Variants in DAAM1 observed in about 807,000 individuals in gnomAD.
DAAM1 encodes disheveled-associated activator of morphogenesis 1.
A neutral mutation model predicts 130.0 loss-of-function variants in DAAM1; 52 were observed. The observed-to-expected ratio is 0.40, with a 90% CI of 0.32 to 0.50. DAAM1 has a LOEUF of 0.50. Among genes scored for constraint, DAAM1 ranks in the 20% least tolerant of loss-of-function variants. The pLI is 0.61. For synonymous variants in DAAM1, 452 were observed against 444.5 expected (o/e 1.02, Z -0.21); for missense variants, 1,134 against 1,303.8 (o/e 0.87, Z 2.01).
chr14:59,318,330 T>G (rs1370323090), intron 4 of DAAM1, among the ~76,000 whole-genome samples: 2 of 151,874 alleles, frequency 1.3e-5, no homozygotes, highest in Admixed American at 6.6e-5. Context: ...CATTTGTGCC[T>G]CTCTGTCAGA....
intron 1 of DAAM1, among the ~76,000 whole-genome samples, chr14:59,241,655 C>T (rs902808856): frequency 4.6e-5 from 7 of 152,170 alleles, no homozygotes; most frequent in East Asian, 1.9e-4. Context: ...ATTCAAACAT[C>T]GGAAGCAGAA....
intron 3 of DAAM1, among the ~76,000 whole-genome samples, chr14:59,305,395 GTT>G (rs1566694098): frequency 6.6e-6 from 1 of 152,166 alleles, no homozygotes; most frequent in Non-Finnish European, 1.5e-5. Flanking sequence ...ATATAAATTG[GTT>G]TCAGATGTTG....
At chr14:59,342,705 C>G (rs925713921) in intron 16 of DAAM1, among the ~76,000 whole-genome samples, 5 of 152,218 alleles carry the variant, frequency 3.3e-5, no homozygotes, top group Admixed American at 2.6e-4. Context: ...AAAAATGACA[C>G]CTGTGAGAAG....
intron 1 of DAAM1, among the ~76,000 whole-genome samples, chr14:59,206,165 T>C (rs944087845): frequency 3.9e-5 from 6 of 152,172 alleles, no homozygotes; most frequent in African/African-American, 1.4e-4. Context: ...CTCAAAGTGT[T>C]CTAAACTATG....
chr14:59,306,168 C>T (rs1884375552), intron 3 of DAAM1, among the ~76,000 whole-genome samples: 1 of 152,016 alleles, frequency 6.6e-6, no homozygotes, highest in Non-Finnish European at 1.5e-5. Context: ...GACTTAGAAC[C>T]TATTGTTGGA....
chr14:59,244,954 G>A (rs139389033), intron 1 of DAAM1, among the ~76,000 whole-genome samples: 19 of 152,286 alleles, frequency 1.2e-4, no homozygotes, highest in Admixed American at 5.9e-4. Flanking sequence ...TGATGAGTAG[G>A]AGGAGAACCA....
chr14:59,286,485 A>T (rs1012277112), intron 2 of DAAM1, among the ~76,000 whole-genome samples: 12 of 152,140 alleles, frequency 7.9e-5, no homozygotes, highest in Non-Finnish European at 1.3e-4. Flanking sequence ...CAGCAAACCA[A>T]AAATTTAATC....
intron 23 of DAAM1, among the ~76,000 whole-genome samples, chr14:59,364,732 C>A (rs1594853885): frequency 6.6e-6 from 1 of 152,172 alleles, no homozygotes; most frequent in Non-Finnish European, 1.5e-5. Context: ...TACACACATA[C>A]CAGTTAAAGT....
chr14:59,287,304 A>G (rs940894575), intron 2 of DAAM1, among the ~76,000 whole-genome samples: 18 of 152,228 alleles, frequency 1.2e-4, no homozygotes, highest in Admixed American at 1.1e-3. Context: ...AGAGCCATCT[A>G]TGACAAACCC....
chr14:59,242,603 G>A (rs1881179335), intron 1 of DAAM1, among the ~76,000 whole-genome samples: 4 of 152,126 alleles, frequency 2.6e-5, no homozygotes. Flanking sequence ...CTATCCCCCA[G>A]GCTGGAGTGC....
intron 1 of DAAM1, among the ~76,000 whole-genome samples, chr14:59,208,320 C>T (rs1888326174): frequency 6.6e-6 from 1 of 152,080 alleles, no homozygotes; most frequent in African/African-American, 2.4e-5. Flanking sequence ...CTTAGTATGC[C>T]CCTTCCTTAT....
At chr14:59,214,381 C>A (rs1176838559) in intron 1 of DAAM1, among the ~76,000 whole-genome samples, 2 of 152,252 alleles carry the variant, frequency 1.3e-5, no homozygotes, top group Non-Finnish European at 2.9e-5. Context: ...GTGCTTCTTT[C>A]TTCCTTGCTC....
At chr14:59,225,717 T>G (rs959002597) in intron 1 of DAAM1, among the ~76,000 whole-genome samples, 1 of 152,194 alleles carries the variant, frequency 6.6e-6, no homozygotes, top group African/African-American at 2.4e-5. Flanking sequence ...TTGGGCCAGC[T>G]TTAGCCCTGC....
At chr14:59,358,611 G>C (rs1421763926) in intron 20 of DAAM1, among the ~76,000 whole-genome samples, 1 of 152,118 alleles carries the variant, frequency 6.6e-6, no homozygotes, top group Non-Finnish European at 1.5e-5. Context: ...GGGAGGCCGA[G>C]GCGGGTGGAT....
At chr14:59,231,324 T>A (rs1453475645) in intron 1 of DAAM1, among the ~76,000 whole-genome samples, 1 of 152,094 alleles carries the variant, frequency 6.6e-6, no homozygotes. Context: ...ACAAGAAATA[T>A]TTTACTTCAA....
intron 2 of DAAM1, among the ~76,000 whole-genome samples, chr14:59,276,597 C>G (rs987690370): frequency 6.6e-6 from 1 of 152,056 alleles, no homozygotes; most frequent in African/African-American, 2.4e-5. Context: ...TGTGGGAAAC[C>G]CTTTCTGGGT....
chr14:59,357,621 A>G (rs779455207), intron 20 of DAAM1, among the ~76,000 whole-genome samples: 10 of 152,168 alleles, frequency 6.6e-5, no homozygotes, highest in African/African-American at 2.4e-4. Flanking sequence ...TACTACAAAT[A>G]GAAAAAGTTA....
intron 1 of DAAM1, among the ~76,000 whole-genome samples, chr14:59,230,229 A>AG (rs1333564906): frequency 6.6e-6 from 1 of 151,900 alleles, no homozygotes; most frequent in Non-Finnish European, 1.5e-5. Flanking sequence ...GTTACTTGGA[A>AG]GTCTGATTGG....
chr14:59,195,075 A>C (rs553303403), intron 1 of DAAM1, among the ~76,000 whole-genome samples: 1 of 152,304 alleles, frequency 6.6e-6, no homozygotes, highest in South Asian at 2.1e-4. Flanking sequence ...CACAATCATA[A>C]AATTTTTTGA....
Sources: gnomAD v4.1 joint callset for allele counts (sites outside exome capture counted in the v4.1 genomes callset) on GRCh38, gnomAD v4.1.1 for gene constraint, MANE v1.5 for transcripts, NCBI Gene and HGNC (gene_info 2026-07-23, HGNC 2026-07-21) for gene names.